Variants in SLC30A9 observed in about 807,000 individuals in gnomAD.
The protein encoded by SLC30A9 is solute carrier family 30 member 9, also known as proton-coupled zinc antiporter SLC30A9, mitochondrial.
A neutral mutation model predicts 87.5 loss-of-function variants in SLC30A9; 58 were observed. That is an observed-to-expected ratio of 0.66 (90% confidence interval 0.54 to 0.82). The LOEUF (loss-of-function observed/expected upper bound fraction) is 0.82, where lower values mean the gene tolerates loss of function less well. SLC30A9 is among the 40% of genes least tolerant of loss of function. SLC30A9 has a pLI of 0.00. For missense variants in SLC30A9, 557 were observed against 679.1 expected (o/e 0.82, Z 2.00); for synonymous variants, 234 against 233.0 (o/e 1.00, Z -0.04).
At position 42,001,744 on chromosome 4, in the gene SLC30A9, ACACT is replaced by A; in HGVS notation, c.241_244del (p.Leu81GlufsTer14). Reference sequence around the variant, plus strand: ...TCAGAAAGAAGGACAGGGATCACAAACACTCAGAGTGGAAAAAGTACCATCATTT... The same window carrying A: ...TCAGAAAGAAGGACAGGGATCACAAACAGAGTGGAAAAAGTACCATCATTT... On this transcript the variant is annotated frameshift_variant, in exon 2 of 18. Transcript: ENST00000264451. LOFTEE classifies it high-confidence loss of function. 1 of 1,610,870 alleles carries A rather than the reference ACACT, an allele frequency of 6.2e-7. No individual in the cohort carries two copies. The highest frequency in any genetic ancestry group is 1.1e-5 in the South Asian group (1 of 90,564).
chr4:41,999,127 T>C (rs1369344647), intron 1 of SLC30A9, among the ~76,000 whole-genome samples: 1 of 152,152 alleles, frequency 6.6e-6, no homozygotes, highest in African/African-American at 2.4e-5. Flanking sequence ...GATTGAAAAA[T>C]GCCAAGTAAT....
At position 41,990,741 on chromosome 4, in the gene SLC30A9, T is replaced by G; in HGVS notation, c.90T>G (p.Cys30Trp). The change falls in exon 1 of 18, where the codon TGT (cysteine) becomes TGG (tryptophan). Residue 30 changes from cysteine (C) to tryptophan (W), a missense_variant. Cys to Trp is a radical substitution (Grantham distance 215, BLOSUM62 -2). Coordinates refer to ENST00000264451, the MANE Select transcript of SLC30A9 (RefSeq NM_006345.4). ...GTCTGCGATGCAGGGCGGCGGCCTG[T>G]AATCCCAGCGACCGCCAGGGTGAGT... ...RLRLRCRAAACNPSDRQEWQN... is the reference protein window; with the variant it reads ...RLRLRCRAAAWNPSDRQEWQN... 1 of 1,611,000 alleles carries G rather than the reference T, an allele frequency of 6.2e-7. No individual in the cohort carries two copies. The highest frequency in any genetic ancestry group is 8.5e-7 in the Non-Finnish European group (1 of 1,179,036).
At chr4:42,038,730 C>G (rs1386144644) in intron 7 of SLC30A9, among the ~76,000 whole-genome samples, 1 of 152,156 alleles carries the variant, frequency 6.6e-6, no homozygotes, top group East Asian at 1.9e-4. Context: ...TTTATGTAGC[C>G]AGCTCAGATC....
intron 15 of SLC30A9, among the ~76,000 whole-genome samples, chr4:42,075,053 ATATATATTTTTTTTTTTTTTT>A (rs1255858847): frequency 9.5e-4 from 22 of 23,274 alleles, no homozygotes; most frequent in Non-Finnish European, 1.3e-3. Flanking sequence ...ATATATATAT[ATATATATTTTTTTTTTTTTTT>A]TTTTTTTTTT....
At chr4:42,052,296 G>A (rs994820698) in intron 9 of SLC30A9, among the ~76,000 whole-genome samples, 51 of 152,204 alleles carry the variant, frequency 3.4e-4, no homozygotes, top group African/African-American at 1.1e-3. Context: ...ACAATACCGC[G>A]TTCATAGATT....
At position 42,023,286 on chromosome 4, in the gene SLC30A9, A is replaced by C. The variant is rs1408780441; in HGVS notation, c.528-16A>C. 1.9e-6 allele frequency: 3 copies of C among 1,571,182 alleles called. No individual in the cohort carries two copies. The highest frequency in any genetic ancestry group is 2.7e-5 in the African/African-American group (2 of 74,134). ...ATTAAAATTGTTCATTGTGGTGACC[A>C]TGTGTGTATGCACAGATCTTTGGAA... On this transcript the variant is annotated splice_polypyrimidine_tract_variant and intron_variant, in intron 5 of 17. Coordinates refer to ENST00000264451, the MANE Select transcript of SLC30A9 (RefSeq NM_006345.4).
chr4:41,992,339 C>CAA (rs1210017224), intron 1 of SLC30A9, among the ~76,000 whole-genome samples: 10 of 115,300 alleles, frequency 8.7e-5, no homozygotes, highest in Non-Finnish European at 1.3e-4. Context: ...AGACCTGTCT[C>CAA]AAAAAAAAAA....
At chr4:42,065,764 C>G (rs1482039376) in intron 12 of SLC30A9, among the ~76,000 whole-genome samples, 2 of 152,206 alleles carry the variant, frequency 1.3e-5, no homozygotes, top group African/African-American at 2.4e-5. Flanking sequence ...ACTTTGCAAG[C>G]ATTATTCCTT....
At chr4:42,077,248 T>A (rs1396434926) in intron 16 of SLC30A9, among the ~76,000 whole-genome samples, 1 of 152,186 alleles carries the variant, frequency 6.6e-6, no homozygotes, top group Non-Finnish European at 1.5e-5. Context: ...AGGTGTGAAA[T>A]AGTATCTTGT....
intron 11 of SLC30A9, 108 bp downstream of exon 11, chr4:42,063,229 T>C (rs1411355893): frequency 1.1e-6 from 1 of 946,068 alleles, no homozygotes; most frequent in Non-Finnish European, 1.6e-6. Context: ...ATACACCTTC[T>C]TGACTGTGTA....
intron 1 of SLC30A9, among the ~76,000 whole-genome samples, chr4:41,993,544 T>G (rs975093842): frequency 3.3e-5 from 5 of 152,180 alleles, no homozygotes; most frequent in East Asian, 3.8e-4. Context: ...AACAGAGACT[T>G]TAAAGGGTTT....
chr4:42,057,975 G>T (rs1483731289), intron 9 of SLC30A9, among the ~76,000 whole-genome samples: 3 of 151,782 alleles, frequency 2.0e-5, no homozygotes, highest in Admixed American at 6.6e-5. Context: ...GGTGGCACTT[G>T]CCTGTAGTCC....
chr4:42,062,952 TTTC>T, intron 10 of SLC30A9, 31 bp from the exon 11 acceptor site: 1 of 1,589,648 alleles, frequency 6.3e-7, no homozygotes, highest in Middle Eastern at 1.7e-4. Context: ...ACCATTTGTA[TTTC>T]TTGCGAACTA....
At position 42,006,463 on chromosome 4, in the gene SLC30A9, G is replaced by A. The variant is rs550151165; in HGVS notation, c.274+4683G>A. Among the ~76,000 whole-genome samples, 9 of 152,294 alleles carry A rather than the reference G, an allele frequency of 5.9e-5. No individual in the cohort carries two copies. In the South Asian group the frequency reaches 1.7e-3, roughly 28 times the overall value. On this transcript the variant is annotated intron_variant, in intron 2 of 17. Transcript: ENST00000264451. ...AGCACTTTGGGAGACCAAGTGTGTG[G>A]ATCACTTGAGCCCAGGAGTTCGAGA...
chr4:42,001,038 A>G (rs1433176591), intron 1 of SLC30A9, among the ~76,000 whole-genome samples: 1 of 152,094 alleles, frequency 6.6e-6, no homozygotes, highest in African/African-American at 2.4e-5. Flanking sequence ...CAAAGCTCAC[A>G]GTCAACCCAG....
At chr4:42,081,107 C>T (rs1453645212) in intron 17 of SLC30A9, among the ~76,000 whole-genome samples, 3 of 151,930 alleles carry the variant, frequency 2.0e-5, no homozygotes, top group Admixed American at 1.3e-4. Context: ...TTGAATAAAC[C>T]GAGTTTGTTA....
intron 2 of SLC30A9, among the ~76,000 whole-genome samples, chr4:42,013,262 T>C (rs961923673): frequency 6.6e-6 from 1 of 152,026 alleles, no homozygotes; most frequent in Non-Finnish European, 1.5e-5. Context: ...CTGGGTGACA[T>C]AGCAAGATCC....
At chr4:42,001,059 TG>T (rs1397467286) in intron 1 of SLC30A9, among the ~76,000 whole-genome samples, 1 of 152,108 alleles carries the variant, frequency 6.6e-6, no homozygotes, top group Non-Finnish European at 1.5e-5. Flanking sequence ...ATGAAGCAGC[TG>T]AAGTGCTTTG....
At chr4:42,018,445 G>T (rs1427225366) in intron 3 of SLC30A9, 1 of 1,265,468 alleles carries the variant, frequency 7.9e-7, no homozygotes, top group Admixed American at 2.8e-5. Context: ...ATTTTTAGAA[G>T]AGTAAGGCAA....
Sources: allele counts gnomAD v4.1 joint callset (sites outside exome capture counted in the v4.1 genomes callset), GRCh38; gene constraint gnomAD v4.1.1; transcripts MANE v1.5; gene names NCBI Gene and HGNC (gene_info 2026-07-23, HGNC 2026-07-21).